Variants in NPAS3 observed in about 807,000 individuals in gnomAD.
NPAS3 encodes neuronal PAS domain-containing protein 3.
NPAS3 carries 14 observed loss-of-function variants against 73.1 expected under a neutral mutation model. The ratio of observed to expected loss-of-function variants is 0.19; its 90% CI spans 0.13 to 0.30. NPAS3 has a LOEUF of 0.30. Among genes scored for constraint, NPAS3 ranks in the 10% least tolerant of loss-of-function variants. The probability of loss-of-function intolerance (pLI) is 1.00; values close to 1 mark genes in which losing one functional copy is unlikely to be tolerated. For synonymous variants in NPAS3, 620 were observed against 541.5 expected, an observed-to-expected ratio of 1.14 and a Z score of -2.01; for missense variants, 1,096 against 1,250.0, an observed-to-expected ratio of 0.88 and a Z score of 1.86.
chr14:33,776,235 G>A (rs905538929), intron 8 of NPAS3, among the ~76,000 whole-genome samples: 1 of 152,044 alleles, frequency 6.6e-6, no homozygotes, highest in Non-Finnish European at 1.5e-5. Flanking sequence ...TCCAACCAGG[G>A]AAGACAGACA....
intron 2 of NPAS3, among the ~76,000 whole-genome samples, chr14:33,113,736 G>C (rs952683579): frequency 6.6e-6 from 1 of 152,170 alleles, no homozygotes; most frequent in African/African-American, 2.4e-5. Context: ...GGGCATCCCT[G>C]TCTTGTGCCA....
At chr14:33,296,606 T>C (rs776501757) in intron 3 of NPAS3, among the ~76,000 whole-genome samples, 4 of 152,230 alleles carry the variant, frequency 2.6e-5, no homozygotes, top group Non-Finnish European at 5.9e-5. Context: ...TGGATGTAGA[T>C]GTGACTCCCT....
chr14:33,020,444 C>T (rs2039551850), intron 1 of NPAS3, among the ~76,000 whole-genome samples: 1 of 152,198 alleles, frequency 6.6e-6, no homozygotes, highest in Admixed American at 6.5e-5. Context: ...CAGAGTAATG[C>T]AGGGAAAATC....
intron 3 of NPAS3, among the ~76,000 whole-genome samples, chr14:33,334,698 AT>A (rs145472323): frequency 0.12 from 18,383 of 151,926 alleles, 1,189 homozygotes; most frequent in Non-Finnish European, 0.14. Flanking sequence ...TTTAATTTTA[AT>A]TTTTTTTATT....
At chr14:33,195,463 T>C (rs1343707692) in intron 2 of NPAS3, among the ~76,000 whole-genome samples, 1 of 152,006 alleles carries the variant, frequency 6.6e-6, no homozygotes, top group African/African-American at 2.4e-5. Flanking sequence ...TAGAGACAGG[T>C]TTCACATGTT....
downstream of NPAS3, chr14:33,801,330 G>A: frequency 1.2e-6 from 1 of 853,412 alleles, no homozygotes; most frequent in Non-Finnish European, 1.7e-6. Context: ...CCAGTTGCCT[G>A]CCGTTTTGTC....
intron 4 of NPAS3, among the ~76,000 whole-genome samples, chr14:33,520,750 G>A (rs538501159): frequency 6.6e-6 from 1 of 152,100 alleles, no homozygotes; most frequent in East Asian, 1.9e-4. Context: ...AATGGGCAAG[G>A]AGAATTATAC....
chr14:33,558,593 A>G (rs1231991867), intron 4 of NPAS3, among the ~76,000 whole-genome samples: 1 of 151,898 alleles, frequency 6.6e-6, no homozygotes, highest in Non-Finnish European at 1.5e-5. Flanking sequence ...GTACATACAT[A>G]TAATATATGT....
intron 3 of NPAS3, among the ~76,000 whole-genome samples, chr14:33,321,410 T>C (rs1418773000): frequency 6.6e-6 from 1 of 152,056 alleles, no homozygotes; most frequent in South Asian, 2.1e-4. Flanking sequence ...TGAAATAACC[T>C]GGGTAAGGCA....
chr14:33,643,411 AGCAAGAGG>A (rs1367625746), intron 5 of NPAS3, among the ~76,000 whole-genome samples: 40 of 140,330 alleles, frequency 2.9e-4, no homozygotes, highest in Non-Finnish European at 3.5e-4. Flanking sequence ...AGAGAGATGG[AGCAAGAGG>A]GCAAGAGACT....
intron 2 of NPAS3, among the ~76,000 whole-genome samples, chr14:33,193,479 A>T (rs2046241972): frequency 1.3e-5 from 2 of 152,222 alleles, no homozygotes; most frequent in Non-Finnish European, 2.9e-5. Context: ...ATTTAGCTTT[A>T]AAAAATGTAC....
intron 3 of NPAS3, among the ~76,000 whole-genome samples, chr14:33,363,202 G>A (rs1279293913): frequency 1.3e-5 from 2 of 152,308 alleles, no homozygotes; most frequent in East Asian, 3.9e-4. Context: ...CCCCTGAGGT[G>A]AGGAGCACTG....
chr14:33,179,108 G>T (rs2045703302), intron 2 of NPAS3, among the ~76,000 whole-genome samples: 1 of 151,794 alleles, frequency 6.6e-6, no homozygotes, highest in Non-Finnish European at 1.5e-5. Flanking sequence ...CTCCCAATGT[G>T]GTGTATTACA....
At chr14:33,768,276 A>T (rs1378828380) in intron 7 of NPAS3, among the ~76,000 whole-genome samples, 1 of 152,204 alleles carries the variant, frequency 6.6e-6, no homozygotes, top group African/African-American at 2.4e-5. Context: ...CAATGAAAGG[A>T]AACATGAGGA....
chr14:33,180,119 A>G lies in NPAS3; in HGVS notation c.141-35063A>G, dbSNP rs142801617. ...TATTTTGAATGGTAAGGATGACACT[A>G]TTTTAACCCAATATATTTTATTTTT... On this transcript the variant is annotated intron_variant, in intron 2 of 11. Transcript: ENST00000356141. 1.5e-3 allele frequency among the ~76,000 whole-genome samples: 234 copies of G among 152,356 alleles called. 2 individuals are homozygous for G. The highest frequency in any genetic ancestry group is 2.3e-3 in the Non-Finnish European group (158 of 68,036).
At chr14:32,943,105 A>G (rs868489783) in intron 1 of NPAS3, among the ~76,000 whole-genome samples, 1 of 152,186 alleles carries the variant, frequency 6.6e-6, no homozygotes, top group Non-Finnish European at 1.5e-5. Context: ...CATGTGCAAT[A>G]TGCCAATCAC....
chr14:33,642,249 G>GT (rs1280414182), intron 5 of NPAS3, among the ~76,000 whole-genome samples: 6 of 152,086 alleles, frequency 3.9e-5, no homozygotes, highest in Non-Finnish European at 8.8e-5. Flanking sequence ...CAGAGCCGCT[G>GT]TAATGGCACA....
At chr14:33,451,715 T>C (rs1426678530) in intron 4 of NPAS3, among the ~76,000 whole-genome samples, 1 of 152,224 alleles carries the variant, frequency 6.6e-6, no homozygotes, top group African/African-American at 2.4e-5. Flanking sequence ...CTGTTATCTT[T>C]GCACATTTTC....
At chr14:33,295,757 C>T (rs1258552956) in intron 3 of NPAS3, among the ~76,000 whole-genome samples, 1 of 152,164 alleles carries the variant, frequency 6.6e-6, no homozygotes, top group Non-Finnish European at 1.5e-5. Context: ...TCGGTTCAAA[C>T]ATTTCTCCTA....
Sources: allele counts gnomAD v4.1 joint callset (sites outside exome capture counted in the v4.1 genomes callset), GRCh38; gene constraint gnomAD v4.1.1; transcripts MANE v1.5; gene names NCBI Gene and HGNC (gene_info 2026-07-23, HGNC 2026-07-21).